Variants in ZC3H12B observed in about 807,000 individuals in gnomAD.
ZC3H12B encodes zinc finger CCCH-type containing 12B.
ZC3H12B carries 7 observed loss-of-function variants against 43.9 expected under a neutral mutation model. The observed-to-expected ratio is 0.16, with a 90% CI of 0.09 to 0.30. ZC3H12B has a LOEUF of 0.30. ZC3H12B is among the 10% of genes least tolerant of loss of function. The pLI is 1.00. For missense variants in ZC3H12B, 475 were observed against 670.2 expected (o/e 0.71, Z 3.22); for synonymous variants, 222 against 241.7 (o/e 0.92, Z 0.76).
the ZC3H12B span, among the ~76,000 whole-genome samples, chrX:65,234,807 C>A: frequency 9.0e-6 from 1 of 111,641 alleles, no homozygotes; most frequent in African/African-American, 3.3e-5. Context: ...GGTATTAAGG[C>A]CAGTATCCAT....
In ZC3H12B at chrX:65,424,118, G is replaced by A. The variant is rs748867873; in HGVS notation, n.407+25414G>A. Among the ~76,000 whole-genome samples the A allele has an allele frequency of 1.1e-4, 12 of 111,804 alleles. No homozygotes were observed. In the South Asian group the frequency reaches 2.6e-3, roughly 24 times the overall value. ...AACCCTGCATCCCAGGGATGAAGCC[G>A]ACTTGATCATGGTGGATCAACTGTT... On this transcript the variant is annotated intron_variant and non_coding_transcript_variant, in intron 3 of 5. Transcript: ENST00000617377.
At chrX:65,450,422 T>C (rs1163016482) in intron 3 of ZC3H12B, among the ~76,000 whole-genome samples, 1 of 72,703 alleles carries the variant, frequency 1.4e-5, no homozygotes, top group Admixed American at 1.9e-4. Context: ...TGTATATACA[T>C]ATATATATTT....
the ZC3H12B span, among the ~76,000 whole-genome samples, chrX:65,340,421 AC>A: frequency 2.7e-5 from 3 of 111,619 alleles, no homozygotes; most frequent in Non-Finnish European, 3.8e-5. Flanking sequence ...TGCTGCCACT[AC>A]CCTATGAAAC....
At chrX:65,418,099 A>G (rs1403539558) in intron 3 of ZC3H12B, among the ~76,000 whole-genome samples, 1 of 112,079 alleles carries the variant, frequency 8.9e-6, no homozygotes, top group East Asian at 2.8e-4. Flanking sequence ...ATGCATTACT[A>G]TTTTATTTTA....
chrX:65,096,199 C>G, the ZC3H12B span, among the ~76,000 whole-genome samples: 1 of 86,728 alleles, frequency 1.2e-5, no homozygotes, highest in Non-Finnish European at 2.2e-5. Flanking sequence ...GGAAACAACA[C>G]ACACTGGGGC....
chrX:65,269,512 T>C, the ZC3H12B span, among the ~76,000 whole-genome samples: 1 of 107,550 alleles, frequency 9.3e-6, no homozygotes, highest in Non-Finnish European at 1.9e-5. Context: ...TTTATTATTA[T>C]TTTTTTTGAC....
At chrX:65,044,698 A>T in the ZC3H12B span, among the ~76,000 whole-genome samples, 1 of 111,524 alleles carries the variant, frequency 9.0e-6, no homozygotes, top group Non-Finnish European at 1.9e-5. Context: ...GATTATGAAG[A>T]TATAGACACA....
the ZC3H12B span, among the ~76,000 whole-genome samples, chrX:65,157,737 T>A: frequency 6.9e-4 from 74 of 107,366 alleles, 2 homozygotes; most frequent in Admixed American, 6.9e-3. Flanking sequence ...AATTTCTCTT[T>A]AACCCACTTT....
the ZC3H12B span, among the ~76,000 whole-genome samples, chrX:65,211,595 G>C: frequency 1.0e-5 from 1 of 98,341 alleles, no homozygotes; most frequent in African/African-American, 3.7e-5. Context: ...AATTGATAGA[G>C]TTGGATGCCA....
chrX:65,192,872 C>T, the ZC3H12B span, among the ~76,000 whole-genome samples: 1 of 111,080 alleles, frequency 9.0e-6, no homozygotes, highest in African/African-American at 3.3e-5. Context: ...CGACTAGTTT[C>T]AAGCGATTTT....
chrX:65,369,908 T>C (rs965994428), intron 2 of ZC3H12B, among the ~76,000 whole-genome samples: 2 of 111,343 alleles, frequency 1.8e-5, no homozygotes, highest in South Asian at 3.8e-4. Context: ...GTCTAAGCAA[T>C]TGAAGCCTCT....
intron 3 of ZC3H12B, among the ~76,000 whole-genome samples, chrX:65,482,355 CA>C (rs2068074898): frequency 9.0e-6 from 1 of 110,617 alleles, no homozygotes; most frequent in Non-Finnish European, 1.9e-5. Flanking sequence ...TGAACTTCAC[CA>C]ATGAATCATA....
intron 3 of ZC3H12B, among the ~76,000 whole-genome samples, chrX:65,402,975 A>G (rs1159823091): frequency 8.9e-6 from 1 of 112,524 alleles, no homozygotes; most frequent in Non-Finnish European, 1.9e-5. Context: ...CACCAAATGA[A>G]CTAAATAAGG....
chrX:65,322,243 G>C, the ZC3H12B span, among the ~76,000 whole-genome samples: 3 of 111,177 alleles, frequency 2.7e-5, no homozygotes, highest in Non-Finnish European at 5.7e-5. Context: ...AATACAGCAA[G>C]AACTCACCCA....
At chrX:65,183,780 G>T in the ZC3H12B span, among the ~76,000 whole-genome samples, 1 of 111,431 alleles carries the variant, frequency 9.0e-6, no homozygotes, top group Non-Finnish European at 1.9e-5. Context: ...TGAGTCCTTG[G>T]TGTCTGGATC....
the ZC3H12B span, among the ~76,000 whole-genome samples, chrX:65,256,065 T>C: frequency 8.9e-6 from 1 of 112,070 alleles, no homozygotes; most frequent in Non-Finnish European, 1.9e-5. Context: ...TGAAGATATA[T>C]ACATAACCAC....
the ZC3H12B span, among the ~76,000 whole-genome samples, chrX:65,084,433 A>T: frequency 1.8e-5 from 2 of 112,096 alleles, no homozygotes; most frequent in African/African-American, 6.5e-5. Flanking sequence ...AATCTGATCA[A>T]AAAATGGGCA....
the ZC3H12B span, among the ~76,000 whole-genome samples, chrX:65,326,490 GA>G: frequency 9.1e-6 from 1 of 110,166 alleles, no homozygotes; most frequent in Non-Finnish European, 1.9e-5. Flanking sequence ...GATAAGGGGT[GA>G]CCACAGGCCA....
the ZC3H12B span, among the ~76,000 whole-genome samples, chrX:65,139,769 G>A: frequency 9.0e-6 from 1 of 111,366 alleles, no homozygotes; most frequent in African/African-American, 3.3e-5. Context: ...TGTTATCAAT[G>A]TTTTATAGTT....
Sources: allele counts gnomAD v4.1 joint callset (sites outside exome capture counted in the v4.1 genomes callset), GRCh38; gene constraint gnomAD v4.1.1; transcripts MANE v1.5; gene names NCBI Gene and HGNC (gene_info 2026-07-23, HGNC 2026-07-21).